CACNA2D1: variants seen among roughly 807,000 people sequenced by gnomAD.
CACNA2D1 encodes calcium voltage-gated channel auxiliary subunit alpha2delta 1.
CACNA2D1 carries 53 observed loss-of-function variants against 171.5 expected under a neutral mutation model. The ratio of observed to expected loss-of-function variants is 0.31; its 90% CI spans 0.25 to 0.39. The LOEUF (loss-of-function observed/expected upper bound fraction) is 0.39, where lower values mean the gene tolerates loss of function less well. Ranked by LOEUF, CACNA2D1 falls within the 10% of genes least tolerant of loss-of-function variation. CACNA2D1 has a pLI of 1.00. For missense variants in CACNA2D1, 903 were observed against 1,299.8 expected, an observed-to-expected ratio of 0.69 and a Z score of 4.69; for synonymous variants, 442 against 443.1, an observed-to-expected ratio of 1.00 and a Z score of 0.03.
At position 81,949,159 on chromosome 7, in the gene CACNA2D1, C is replaced by G. The variant is rs1246771800; in HGVS notation, c.*1233G>C. The G allele has an allele frequency of 1.3e-5, 2 of 152,010 alleles. No individual in the cohort carries two copies. Among genetic ancestry groups the G allele is most frequent in the East Asian group, 3.9e-4 (2 of 5,174 alleles). The allele number at this position is 152,010 out of a possible 1,614,324, so 9.4% of individuals were successfully genotyped here. On this transcript the variant is annotated 3_prime_UTR_variant, in exon 39 of 39. Transcript: ENST00000356860. ...AACAAAGAGGAAACCTAGGATGAAT[C>G]TTCATTGAGAACATATATGTACTTT...
chr7:82,363,473 G>C (rs1821321693), intron 1 of CACNA2D1, among the ~76,000 whole-genome samples: 1 of 151,798 alleles, frequency 6.6e-6, no homozygotes, highest in Non-Finnish European at 1.5e-5. Flanking sequence ...CACCGTGTTA[G>C]CCAGGATGGT....
chr7:81,969,607 G>A (rs1300748606), intron 28 of CACNA2D1, among the ~76,000 whole-genome samples: 1 of 151,136 alleles, frequency 6.6e-6, no homozygotes, highest in Non-Finnish European at 1.5e-5. Flanking sequence ...TGTAATATGA[G>A]GGATTATCTA....
At chr7:82,340,962 G>A (rs1818556366) in intron 2 of CACNA2D1, among the ~76,000 whole-genome samples, 1 of 152,052 alleles carries the variant, frequency 6.6e-6, no homozygotes, top group Non-Finnish European at 1.5e-5. Context: ...ACTAATGAAG[G>A]CAAGAAAAGG....
intron 1 of CACNA2D1, among the ~76,000 whole-genome samples, chr7:82,365,083 G>A (rs1821529994): frequency 6.6e-6 from 1 of 152,146 alleles, no homozygotes; most frequent in Admixed American, 6.5e-5. Flanking sequence ...AAGGAAAACA[G>A]ATTGAGAGAA....
At chr7:82,056,343 G>A (rs1805904900) in intron 10 of CACNA2D1, among the ~76,000 whole-genome samples, 1 of 152,166 alleles carries the variant, frequency 6.6e-6, no homozygotes, top group Non-Finnish European at 1.5e-5. Flanking sequence ...TTTTGGAGAA[G>A]CAACATGAGG....
intron 7 of CACNA2D1, among the ~76,000 whole-genome samples, chr7:82,069,101 A>C (rs1808012154): frequency 6.6e-6 from 1 of 152,158 alleles, no homozygotes; most frequent in Non-Finnish European, 1.5e-5. Flanking sequence ...TGAACAACAT[A>C]ATTTCTTCTG....
intron 7 of CACNA2D1, among the ~76,000 whole-genome samples, chr7:82,083,767 T>G (rs1303323729): frequency 6.6e-6 from 1 of 152,150 alleles, no homozygotes; most frequent in African/African-American, 2.4e-5. Context: ...TTGAGTACCA[T>G]TCAGTCCATT....
At chr7:81,991,108 G>C (rs1797498436) in intron 21 of CACNA2D1, 77 bp downstream of exon 21, 4 of 784,448 alleles carry the variant, frequency 5.1e-6, no homozygotes, top group Admixed American at 1.8e-5. Context: ...AAAATCACAT[G>C]AAAATTCACT....
chr7:82,124,195 T>C (rs951419915), intron 5 of CACNA2D1, among the ~76,000 whole-genome samples: 3 of 152,088 alleles, frequency 2.0e-5, no homozygotes, highest in African/African-American at 7.2e-5. Flanking sequence ...GGCAGGAGAA[T>C]AGGGTTTAGA....
chr7:82,381,174 C>T (rs577686165), intron 1 of CACNA2D1, among the ~76,000 whole-genome samples: 4 of 151,760 alleles, frequency 2.6e-5, no homozygotes, highest in East Asian at 3.9e-4. Context: ...ATTAACTGGC[C>T]GTGGTGGCGG....
chr7:82,287,057 T>C (rs1585343654), intron 3 of CACNA2D1, among the ~76,000 whole-genome samples: 1 of 152,230 alleles, frequency 6.6e-6, no homozygotes, highest in African/African-American at 2.4e-5. Context: ...ATAGTTCATT[T>C]ATTATTAATT....
In CACNA2D1 at chr7:82,441,900, G is replaced by A. The variant is rs1830532653; in HGVS notation, c.95+1465C>T. On this transcript the variant is annotated intron_variant, in intron 1 of 38. Coordinates refer to ENST00000356860, the MANE Select transcript of CACNA2D1 (RefSeq NM_000722.4). ...AAATGGAAGTGTGATGCCTTAATAAGAGTAAATAATTCTGAAGCATCCTTA... is the reference window on the plus strand; with the variant it reads ...AAATGGAAGTGTGATGCCTTAATAAAAGTAAATAATTCTGAAGCATCCTTA... 2.0e-5 allele frequency among the ~76,000 whole-genome samples: 3 copies of A among 152,140 alleles called. No homozygotes were observed. The South Asian group carries it at 6.2e-4, about 31-fold the overall frequency.
At chr7:82,122,366 T>A (rs1789840694) in intron 5 of CACNA2D1, among the ~76,000 whole-genome samples, 1 of 152,216 alleles carries the variant, frequency 6.6e-6, no homozygotes, top group Non-Finnish European at 1.5e-5. Flanking sequence ...TCAAAAGATC[T>A]GAAATACAGA....
chr7:82,203,411 T>G (rs942367401), intron 3 of CACNA2D1, among the ~76,000 whole-genome samples: 1 of 152,104 alleles, frequency 6.6e-6, no homozygotes, highest in Non-Finnish European at 1.5e-5. Flanking sequence ...AGGGCGACAA[T>G]GAACTTTCAC....
chr7:82,419,552 CT>C (rs1828523085), intron 1 of CACNA2D1, among the ~76,000 whole-genome samples: 1 of 152,298 alleles, frequency 6.6e-6, no homozygotes, highest in African/African-American at 2.4e-5. Context: ...AAATTTACCC[CT>C]GGACATTTGA....
At chr7:81,962,077 T>G in intron 35 of CACNA2D1, 54 bp from the exon 36 acceptor site, 1 of 1,564,664 alleles carries the variant, frequency 6.4e-7, no homozygotes, top group Admixed American at 1.7e-5. Flanking sequence ...GAGGGGTCTC[T>G]GTAGTCACTC....
At chr7:82,072,147 G>A (rs1399659960) in intron 7 of CACNA2D1, among the ~76,000 whole-genome samples, 1 of 152,058 alleles carries the variant, frequency 6.6e-6, no homozygotes, top group African/African-American at 2.4e-5. Flanking sequence ...ATGCCAACAT[G>A]GGTCAAGCAT....
intron 3 of CACNA2D1, among the ~76,000 whole-genome samples, chr7:82,289,169 TCAAATG>T (rs1315924546): frequency 6.6e-6 from 1 of 152,176 alleles, no homozygotes; most frequent in Non-Finnish European, 1.5e-5. Flanking sequence ...TTTGAATTTA[TCAAATG>T]CAAAAAAGTA....
chr7:82,158,621 T>A (rs1365500012), intron 4 of CACNA2D1, among the ~76,000 whole-genome samples: 1 of 151,942 alleles, frequency 6.6e-6, no homozygotes, highest in Admixed American at 6.6e-5. Flanking sequence ...CTCAGTGAAG[T>A]CTTAGGTGAA....
Sources: gnomAD v4.1 joint callset for allele counts (sites outside exome capture counted in the v4.1 genomes callset) on GRCh38, gnomAD v4.1.1 for gene constraint, MANE v1.5 for transcripts, NCBI Gene and HGNC (gene_info 2026-07-23, HGNC 2026-07-21) for gene names.